The following TPPP variants were observed in gnomAD, a reference collection of about 807,000 sequenced individuals.
TPPP encodes tubulin polymerization-promoting protein.
In TPPP, 6 loss-of-function variants were observed where a neutral mutation model predicts 15.5. The observed-to-expected ratio is 0.39, with a 90% CI of 0.21 to 0.77. The LOEUF is 0.77. Ranked by LOEUF, TPPP falls within the 30% of genes least tolerant of loss-of-function variation. TPPP has a pLI of 0.42. For missense variants in TPPP, 269 were observed against 307.2 expected, an observed-to-expected ratio of 0.88 and a Z score of 0.93; for synonymous variants, 146 against 133.9, an observed-to-expected ratio of 1.09 and a Z score of -0.63.
At chr5:699,642 G>A in the TPPP span, among the ~76,000 whole-genome samples, 1 of 151,852 alleles carries the variant, frequency 6.6e-6, no homozygotes, top group African/African-American at 2.4e-5. Context: ...GAAACCTTCT[G>A]CACAGCAAAA....
At chr5:683,095 A>G (rs61464149) in intron 1 of TPPP, among the ~76,000 whole-genome samples, 31,821 of 148,880 alleles carry the variant, frequency 0.21, 7,609 homozygotes, top group African/African-American at 0.6. Context: ...CACCTGCCCT[A>G]GAGAAGCCAC....
intron 1 of TPPP, among the ~76,000 whole-genome samples, chr5:685,836 CG>C (rs1740751870): frequency 6.6e-6 from 1 of 152,152 alleles, no homozygotes; most frequent in African/African-American, 2.4e-5. Context: ...CCAGGCCACA[CG>C]GCAGATCCCC....
At chr5:692,459 T>G in intron 1 of TPPP, 2 of 608,834 alleles carry the variant, frequency 3.3e-6, no homozygotes, top group Non-Finnish European at 3.8e-6. Context: ...CCAACCCCTA[T>G]CAAAACAGCA....
chr5:679,517 C>G (rs1366016152), intron 1 of TPPP, among the ~76,000 whole-genome samples: 1 of 151,686 alleles, frequency 6.6e-6, no homozygotes, highest in Non-Finnish European at 1.5e-5. Flanking sequence ...ATTTCTTTGT[C>G]TGAAACAGGA....
chr5:678,789 C>G (rs932440771), intron 1 of TPPP, among the ~76,000 whole-genome samples: 1 of 152,184 alleles, frequency 6.6e-6, no homozygotes, highest in Admixed American at 6.5e-5. Flanking sequence ...GCAAGGCGCC[C>G]GCCCCCAGAG....
chr5:666,227 A>G, intron 2 of TPPP, 104 bp from the exon 3 acceptor site: 1 of 1,372,182 alleles, frequency 7.3e-7, no homozygotes, highest in East Asian at 2.3e-5. Flanking sequence ...CCAGCAGCCC[A>G]CAGGCTTCAC....
rs1482448619 is a variant in TPPP, at chr5:677,782, G to C, written c.279C>G (p.Val93=). ...CQVIDGRNVT[V]TDVDIVFSKI... ...TGCTGAAGACGATGTCCACGTCAGT[G>C]ACGGTCACGTTCCTGCCGTCGATCA... The change falls in exon 2 of 4, where the codon GTC becomes GTG. Residue 93 remains valine (V), a synonymous_variant. Coordinates refer to ENST00000360578, the MANE Select transcript of TPPP (RefSeq NM_007030.3). The C allele has an allele frequency of 1.3e-6, 2 of 1,591,010 alleles. No individual in the cohort carries two copies. The highest frequency in any genetic ancestry group is 2.3e-5 in the South Asian group (2 of 88,768).
chr5:677,746 T>C lies in TPPP; in HGVS notation c.311+4A>G. The C allele has an allele frequency of 6.5e-7, 1 of 1,549,530 alleles. No homozygotes were observed. Among genetic ancestry groups the C allele is most frequent in the Non-Finnish European group, 8.7e-7 (1 of 1,145,724 alleles). On this transcript the variant is annotated splice_donor_region_variant and intron_variant, in intron 2 of 3. Transcript: ENST00000360578. ...CCCTCGGCCCGTGAGCCCAGCGCAC[T>C]CACTTGATCTTGCTGAAGACGATGT...
intron 2 of TPPP, chr5:676,303 G>A (rs1740428284): frequency 6.6e-6 from 1 of 152,366 alleles, no homozygotes; most frequent in South Asian, 2.1e-4. Context: ...GGGGATGTGT[G>A]ACCCGGGAGA....
At chr5:674,672 G>A (rs1311672136) in intron 2 of TPPP, among the ~76,000 whole-genome samples, 2 of 151,698 alleles carry the variant, frequency 1.3e-5, no homozygotes, top group East Asian at 3.9e-4. Context: ...AGCTGGCTGG[G>A]GCCATCTACA....
At chr5:681,773 A>G (rs184191987) in intron 1 of TPPP, among the ~76,000 whole-genome samples, 19 of 152,278 alleles carry the variant, frequency 1.2e-4, no homozygotes, top group Non-Finnish European at 2.4e-4. Context: ...GGCATCTTCA[A>G]AAAAGGCTTG....
chr5:672,326 C>G (rs570717736), intron 2 of TPPP, among the ~76,000 whole-genome samples: 2 of 152,336 alleles, frequency 1.3e-5, no homozygotes, highest in Admixed American at 1.3e-4. Context: ...TAACCAGCGT[C>G]CAGGTATCAG....
chr5:698,931 A>G, the TPPP span, among the ~76,000 whole-genome samples: 104,943 of 151,120 alleles, frequency 0.69, 34,980 homozygotes, highest in Middle Eastern at 0.73. Flanking sequence ...GTAGCTACAA[A>G]AAATTACCTA....
intron 2 of TPPP, among the ~76,000 whole-genome samples, chr5:674,409 C>T (rs774012202): frequency 2.0e-5 from 3 of 150,776 alleles, no homozygotes; most frequent in Non-Finnish European, 2.9e-5. Flanking sequence ...CCCACGCAGG[C>T]TCTGGACCTG....
At chr5:681,051 C>T (rs1229560146) in intron 1 of TPPP, among the ~76,000 whole-genome samples, 1 of 152,140 alleles carries the variant, frequency 6.6e-6, no homozygotes, top group Admixed American at 6.5e-5. Context: ...TTTGAGAGAA[C>T]ATGGAGGTGT....
At chr5:699,021 C>G in the TPPP span, among the ~76,000 whole-genome samples, 1 of 151,932 alleles carries the variant, frequency 6.6e-6, no homozygotes, top group African/African-American at 2.4e-5. Context: ...ATACATGACA[C>G]AAACAGAAAA....
intron 1 of TPPP, among the ~76,000 whole-genome samples, chr5:679,101 A>G (rs1463588848): frequency 2.3e-3 from 357 of 152,148 alleles, no homozygotes; most frequent in African/African-American, 4.3e-3. Flanking sequence ...GGACACAGGT[A>G]GGTGTCCCAA....
rs1739573759 is a variant in TPPP, at chr5:661,099, A to C, written c.*4003T>G. ...AGCAGTAAATTAAAAATAAATAAGC[A>C]CTCTGGCGTGAACAGTCTTCTCAGC... is the stretch of plus-strand genomic sequence containing the variant. On this transcript the variant is annotated 3_prime_UTR_variant, in exon 4 of 4. Transcript: ENST00000360578. 2 of 152,290 alleles carry C rather than the reference A, an allele frequency of 1.3e-5. No homozygotes were observed. The highest frequency in any genetic ancestry group is 4.2e-4 in the South Asian group (2 of 4,818). The allele number at this position is 152,290 out of a possible 1,614,324, so 9.4% of individuals were successfully genotyped here. A position where few individuals can be genotyped will look rare whatever the true frequency, so the allele number is the denominator to read the frequency against.
At chr5:697,783 T>C (rs1561098674), upstream of TPPP, among the ~76,000 whole-genome samples, 1 of 151,052 alleles carries the variant, frequency 6.6e-6, no homozygotes, top group African/African-American at 2.4e-5. Flanking sequence ...CCAATCCTTC[T>C]GAAACTATTC....
Sources: allele counts gnomAD v4.1 joint callset (sites outside exome capture counted in the v4.1 genomes callset), GRCh38; gene constraint gnomAD v4.1.1; transcripts MANE v1.5; gene names NCBI Gene and HGNC (gene_info 2026-07-23, HGNC 2026-07-21).